Variants in PCLO observed in about 807,000 individuals in gnomAD.
PCLO encodes the protein protein piccolo.
In PCLO, 82 loss-of-function variants were observed where a neutral mutation model predicts 427.5. The observed-to-expected ratio is 0.19, with a 90% confidence interval of 0.16 to 0.23. The LOEUF (loss-of-function observed/expected upper bound fraction) is 0.23. Among genes scored for constraint, PCLO ranks in the 10% least tolerant of loss-of-function variants. The pLI, the probability that PCLO is intolerant of heterozygous loss-of-function variation, is 1.00. For missense variants in PCLO, 6,239 were observed against 6,115.9 expected (o/e 1.02, Z -0.67); for synonymous variants, 2,357 against 2,155.4 (o/e 1.09, Z -2.59).
rs905957679 is a variant in PCLO, at chr7:82,826,633, C to T, written c.14371G>A (p.Val4791Ile). Residue 4791 changes from valine (V) to isoleucine (I), a missense_variant, in exon 18 of 25, where the codon GTT becomes ATT. Around this residue, in one of 5 missense-constraint regions of PCLO, gnomAD observed 877 missense variants for 925.5 expected, o/e 0.95. Coordinates refer to ENST00000333891, the MANE Select transcript of PCLO (RefSeq NM_033026.6). ...GATGAAAATCTATCATAATCCCAAA[C>T]TGTCACCTCCAGTGTTTTCTTCTTG... ...QLKKKTLEVT[V>I]WDYDRFSSND... 8 of 1,607,136 alleles carry T rather than the reference C, an allele frequency of 5.0e-6. No homozygotes were observed. In the East Asian group the frequency reaches 9.0e-5, roughly 18 times the overall value.
chr7:82,966,301 C>T lies in PCLO; in HGVS notation c.3487G>A (p.Glu1163Lys). The T allele has an allele frequency of 6.2e-7, 1 of 1,612,960 alleles. No homozygotes were observed. The highest frequency in any genetic ancestry group is 8.5e-7 in the Non-Finnish European group (1 of 1,179,684). Residue 1163 changes from glutamate to lysine, a missense_variant, in exon 4 of 25, where the codon GAA (glutamate) becomes AAA (lysine). Glu to Lys is a moderately conservative substitution (Grantham distance 56). Transcript: ENST00000333891. ...QVKLVKKQEQ[E>K]VKTEAEKVIL... is the part of the protein sequence containing the mutation. ...ACTTTTTCAGCTTCCGTTTTTACTT[C>T]TTGTTCTTGCTTTTTCACTAATTTT...
rs1310334707 is a variant in PCLO at position 82,954,878 on chromosome 7, A to C, written c.6075T>G (p.Pro2025=). The C allele has an allele frequency of 1.2e-6, 2 of 1,613,748 alleles. No individual in the cohort carries two copies. Among genetic ancestry groups the C allele is most frequent in the Admixed American group, 1.7e-5 (1 of 59,992 alleles). Residue 2025 remains proline, a synonymous_variant, in exon 5 of 25, where the codon CCT becomes CCG. Coordinates refer to ENST00000333891, the MANE Select transcript of PCLO (RefSeq NM_033026.6). ...YELESLHSVV[P]QEDIVSSSFI... ...AAGAGCTTGAAACAATATCTTCCTG[A>C]GGCACAACAGAATGTAAGCTTTCTA...
chr7:82,778,901 T>C (rs1000385472), intron 22 of PCLO, among the ~76,000 whole-genome samples: 1 of 126,826 alleles, frequency 7.9e-6, no homozygotes, highest in Non-Finnish European at 1.6e-5. Context: ...AGCTCTATTT[T>C]ATCATTTTTC....
rs188034654 is a variant in PCLO, at chr7:82,846,215, G to T, written c.13831+352C>A. On this transcript the variant is annotated intron_variant, in intron 12 of 24. Coordinates refer to ENST00000333891, the MANE Select transcript of PCLO (RefSeq NM_033026.6). ...AGTTATTCTAAAAAGAATCAAGTAC[G>T]CTCTAAAAATTATGTAAAACCAAAA... Among the ~76,000 whole-genome samples, 38 of 152,066 alleles carry T rather than the reference G, an allele frequency of 2.5e-4. No individual in the cohort carries two copies. In the East Asian group the frequency reaches 3.5e-3, roughly 14 times the overall value.
At position 83,022,356 on chromosome 7, in the gene PCLO, T is replaced by C. The variant is rs145491663; in HGVS notation, c.3301-55869A>G. 2.6e-3 allele frequency among the ~76,000 whole-genome samples: 402 copies of C among 152,302 alleles called. 3 individuals carry two copies. The highest frequency in any genetic ancestry group is 9.0e-3 in the African/African-American group (376 of 41,554). ...GCAGCCTGAATGAACTAAAACAGTA[T>C]ATAAAATAATTATTTGTAAATTGTA... is the stretch of plus-strand genomic sequence containing the variant. On this transcript the variant is annotated intron_variant, in intron 3 of 24. Coordinates refer to ENST00000333891, the MANE Select transcript of PCLO (RefSeq NM_033026.6).
rs1391842894 is a variant in PCLO, at chr7:82,997,477, AAT to A, written c.3301-30992_3301-30991del. Among the ~76,000 whole-genome samples the A allele has an allele frequency of 4.9e-4, 75 of 152,128 alleles. 1 individual carries two copies. Among genetic ancestry groups the A allele is most frequent in the Middle Eastern group, 3.4e-3 (1 of 294 alleles). On this transcript the variant is annotated intron_variant, in intron 3 of 24. Coordinates refer to ENST00000333891, the MANE Select transcript of PCLO (RefSeq NM_033026.6). ...TATGTTTGCCATCTGTCAAATCTTA[AAT>A]AAGTTTTTCAACAAGCTATAGTAAC... is the stretch of plus-strand genomic sequence containing the variant.
At chr7:83,075,727 C>T (rs940386043) in intron 3 of PCLO, among the ~76,000 whole-genome samples, 1 of 152,052 alleles carries the variant, frequency 6.6e-6, no homozygotes, top group Non-Finnish European at 1.5e-5. Flanking sequence ...TGTATATACA[C>T]ACATACACAC....
chr7:82,966,453 T>C lies in PCLO; in HGVS notation c.3335A>G (p.Gln1112Arg). 1 of 1,585,676 alleles carries C rather than the reference T, an allele frequency of 6.3e-7. No individual in the cohort carries two copies. Among genetic ancestry groups the C allele is most frequent in the Non-Finnish European group, 8.5e-7 (1 of 1,170,740 alleles). Residue 1112 changes from glutamine (Q) to arginine (R), a missense_variant, in exon 4 of 25, where the codon CAG (glutamine) becomes CGG (arginine). Gln to Arg is a conservative substitution (Grantham distance 43). Transcript: ENST00000333891. ...TCCAAGCTGTCCTGATATTGCTCTCTGGGTTTGGCAATTTAAACAAAGCCA... is the reference window on the plus strand; with the variant it reads ...TCCAAGCTGTCCTGATATTGCTCTCCGGGTTTGGCAATTTAAACAAAGCCA... ...QEWLCLNCQT[Q>R]RAISGQLGDI...
intron 7 of PCLO, among the ~76,000 whole-genome samples, chr7:82,912,165 T>C (rs111545865): frequency 5.3e-5 from 8 of 152,212 alleles, no homozygotes; most frequent in African/African-American, 1.9e-4. Context: ...TAGAATGTTA[T>C]ACTACTCAAA....
At chr7:82,763,584 T>C (rs183342752) in intron 22 of PCLO, among the ~76,000 whole-genome samples, 74 of 152,192 alleles carry the variant, frequency 4.9e-4, no homozygotes, top group Admixed American at 3.7e-3. Flanking sequence ...TATTCTTTTC[T>C]GGATTAAGCA....
chr7:83,103,067 A>C (rs906308285), intron 3 of PCLO, among the ~76,000 whole-genome samples: 1 of 151,862 alleles, frequency 6.6e-6, no homozygotes, highest in African/African-American at 2.4e-5. Flanking sequence ...GAACATATTG[A>C]CAAGTAAATA....
chr7:82,872,115 A>G (rs1262621833), intron 10 of PCLO, among the ~76,000 whole-genome samples: 1 of 152,018 alleles, frequency 6.6e-6, no homozygotes, highest in Non-Finnish European at 1.5e-5. Flanking sequence ...CAAAATGACA[A>G]ATTTGACTAT....
At chr7:82,872,934 C>T (rs1793272844) in intron 10 of PCLO, among the ~76,000 whole-genome samples, 1 of 151,998 alleles carries the variant, frequency 6.6e-6, no homozygotes, top group African/African-American at 2.4e-5. Context: ...CAAAACGAAT[C>T]TTATATAGTT....
At chr7:82,890,834 T>A (rs556904096) in intron 9 of PCLO, among the ~76,000 whole-genome samples, 1 of 151,988 alleles carries the variant, frequency 6.6e-6, no homozygotes, top group Non-Finnish European at 1.5e-5. Context: ...AGAATATTTG[T>A]ATTTGGAAGA....
At chr7:82,790,879 G>A (rs907629500) in intron 22 of PCLO, among the ~76,000 whole-genome samples, 4 of 152,156 alleles carry the variant, frequency 2.6e-5, no homozygotes, top group Admixed American at 2.0e-4. Flanking sequence ...TTTTCAAGGT[G>A]TCTTAGGTAT....
Position 82,954,757 on chromosome 7 carries a change from C to G in PCLO, c.6196G>C (p.Glu2066Gln). The change falls in exon 5 of 25, where the codon GAA becomes CAA. Residue 2066 changes from glutamate to glutamine, a missense_variant. Around this residue, in one of 5 missense-constraint regions of PCLO, gnomAD observed 4,677 missense variants for 4,468.4 expected, o/e 1.05. Transcript: ENST00000333891. ...ATCTGTTGCCTCTTCATAAGTTCTT[C>G]ATAGGCAGCATCAGCATCTAGTAGT... ...RKLLDADAAY[E>Q]ELMKRQQMQL... 1 of 1,613,820 alleles carries G rather than the reference C, an allele frequency of 6.2e-7. No individual in the cohort carries two copies. Among genetic ancestry groups the G allele is most frequent in the Non-Finnish European group, 8.5e-7 (1 of 1,179,814 alleles).
intron 3 of PCLO, among the ~76,000 whole-genome samples, chr7:83,090,918 CAA>C (rs1316251652): frequency 2.0e-5 from 3 of 152,000 alleles, no homozygotes; most frequent in Admixed American, 1.3e-4. Context: ...AACGAAGCCA[CAA>C]AAGTCTTTAG....
intron 7 of PCLO, chr7:82,914,371 T>C (rs1045889441): frequency 1.7e-5 from 8 of 478,680 alleles, no homozygotes; most frequent in African/African-American, 4.0e-5. Context: ...TTTTCAACTA[T>C]GGATTTATAG....
chr7:82,778,756 A>T (rs2129468035), intron 22 of PCLO, among the ~76,000 whole-genome samples: 1 of 151,644 alleles, frequency 6.6e-6, no homozygotes, highest in African/African-American at 2.4e-5. Context: ...ATGCCTTTCA[A>T]TTTTTTTTAT....
Sources: gnomAD v4.1 joint callset for allele counts (sites outside exome capture counted in the v4.1 genomes callset) on GRCh38, gnomAD v4.1.1 for gene constraint, gnomAD v4.1.1 regional missense constraint, MANE v1.5 for transcripts, NCBI Gene and HGNC (gene_info 2026-07-23, HGNC 2026-07-21) for gene names.